POC1B: variants seen among roughly 807,000 people sequenced by gnomAD.
The protein encoded by POC1B is POC1 centriolar protein B, also known as POC1 centriolar protein homolog B.
Under a neutral mutation model 60.6 loss-of-function variants are expected in POC1B, and 44 were observed. That is an observed-to-expected ratio of 0.73 (90% CI 0.57 to 0.93). The LOEUF (loss-of-function observed/expected upper bound fraction) is 0.93. Among genes scored for constraint, POC1B ranks in the 40% least tolerant of loss-of-function variants. The pLI is 0.00. For missense variants in POC1B, 555 were observed against 572.3 expected, an observed-to-expected ratio of 0.97 and a Z score of 0.31; for synonymous variants, 180 against 198.9, an observed-to-expected ratio of 0.90 and a Z score of 0.80.
At chr12:89,523,922 C>A (rs1485024624) in intron 2 of POC1B, 3 of 1,608,946 alleles carry the variant, frequency 1.9e-6, no homozygotes, top group Admixed American at 1.7e-5. Context: ...ATCAGACGGG[C>A]CCTAACCAGC....
At chr12:89,524,092 C>T in intron 2 of POC1B, 3 of 1,613,888 alleles carry the variant, frequency 1.9e-6, no homozygotes, top group Non-Finnish European at 1.7e-6. Context: ...GTGAATGGTA[C>T]GGAGCAAAGT....
intron 2 of POC1B, chr12:89,501,318 G>A (rs1445576685): frequency 3.0e-6 from 3 of 1,001,158 alleles, no homozygotes; most frequent in East Asian, 2.4e-5. Context: ...TGTATTCCAA[G>A]AATGCAGAAA....
At position 89,420,495 on chromosome 12, in the gene POC1B, T is replaced by C. The variant is rs1880485442; in HGVS notation, c.*658A>G. ...GAAAGATAGGTGAGTTTCATTTCCT[T>C]CAGGTTGGCCAATGGATAAACAAAG... On this transcript the variant is annotated 3_prime_UTR_variant, in exon 12 of 12. Coordinates refer to ENST00000313546, the MANE Select transcript of POC1B (RefSeq NM_172240.3). 6.6e-6 allele frequency: 1 copy of C among 152,182 alleles called. No individual in the cohort carries two copies. Among genetic ancestry groups the C allele is most frequent in the Admixed American group, 6.5e-5 (1 of 15,274 alleles). The allele number at this position is 152,182 out of a possible 1,614,324, so 9.4% of individuals were successfully genotyped here.
At chr12:89,458,402 A>C (rs1882343259) in intron 10 of POC1B, among the ~76,000 whole-genome samples, 1 of 152,240 alleles carries the variant, frequency 6.6e-6, no homozygotes, top group Non-Finnish European at 1.5e-5. Context: ...TAGAGTTATA[A>C]ACATGAATAC....
chr12:89,489,155 T>C (rs1868808130), intron 4 of POC1B, among the ~76,000 whole-genome samples: 1 of 152,230 alleles, frequency 6.6e-6, no homozygotes, highest in African/African-American at 2.4e-5. Context: ...GTGATGGTGA[T>C]GAGAATGACA....
At chr12:89,403,173 A>C in the POC1B span, among the ~76,000 whole-genome samples, 1 of 151,052 alleles carries the variant, frequency 6.6e-6, no homozygotes, top group East Asian at 2.0e-4. Context: ...ACACCCAGCT[A>C]ATTTTTGTAT....
At position 89,506,352 on chromosome 12, in the gene POC1B, A is replaced by G. The variant is rs1869895302; in HGVS notation, c.101-9010T>C. On this transcript the variant is annotated intron_variant, in intron 2 of 11. Coordinates refer to ENST00000313546, the MANE Select transcript of POC1B (RefSeq NM_172240.3). ...ACTTGCAATTTATGCCTGCCACATG[A>G]AAAATACTCAAATGTAGCTATTATT... 1.3e-5 allele frequency among the ~76,000 whole-genome samples: 2 copies of G among 152,258 alleles called. 1 individual carries two copies. The highest frequency in any genetic ancestry group is 4.1e-4 in the South Asian group (2 of 4,834).
At chr12:89,504,633 C>T (rs558455264) in intron 2 of POC1B, among the ~76,000 whole-genome samples, 3 of 151,176 alleles carry the variant, frequency 2.0e-5, no homozygotes, top group East Asian at 1.9e-4. Context: ...AAGACATTAA[C>T]GTTAATAAGT....
At chr12:89,475,831 G>A (rs1286365533) in intron 4 of POC1B, among the ~76,000 whole-genome samples, 3 of 150,792 alleles carry the variant, frequency 2.0e-5, no homozygotes, top group Admixed American at 6.6e-5. Flanking sequence ...GAGAGTTTAA[G>A]AGGCATATGA....
At chr12:89,412,024 TC>T in the POC1B span, among the ~76,000 whole-genome samples, 3 of 152,244 alleles carry the variant, frequency 2.0e-5, no homozygotes, top group African/African-American at 7.2e-5. Context: ...TCCCCTGACT[TC>T]GTCTTTGTTC....
chr12:89,514,913 C>T (rs944273761), intron 2 of POC1B, among the ~76,000 whole-genome samples: 3 of 152,066 alleles, frequency 2.0e-5, no homozygotes, highest in Admixed American at 1.3e-4. Flanking sequence ...GACCTGGTAC[C>T]CACGCCTTCT....
chr12:89,451,920 T>C (rs1882058079), intron 10 of POC1B, among the ~76,000 whole-genome samples: 1 of 152,194 alleles, frequency 6.6e-6, no homozygotes, highest in African/African-American at 2.4e-5. Flanking sequence ...AAATGGCATT[T>C]AGCTCCGTAG....
At chr12:89,442,123 G>A (rs188616092) in intron 10 of POC1B, among the ~76,000 whole-genome samples, 51 of 152,282 alleles carry the variant, frequency 3.3e-4, no homozygotes, top group Admixed American at 7.8e-4. Flanking sequence ...CCAAATCTAC[G>A]TCTGACTGGT....
intron 10 of POC1B, chr12:89,425,859 C>T (rs1880742512): frequency 1.3e-5 from 2 of 153,664 alleles, no homozygotes; most frequent in Admixed American, 1.3e-4. Context: ...CAAAATTAAA[C>T]ATAAAATTAC....
chr12:89,501,345 A>G, intron 2 of POC1B: 1 of 992,446 alleles, frequency 1.0e-6, no homozygotes, highest in Non-Finnish European at 1.6e-6. Context: ...CTGGAAGCAA[A>G]AGGACTATAA....
intron 2 of POC1B, among the ~76,000 whole-genome samples, chr12:89,503,690 G>A (rs1239385553): frequency 1.4e-5 from 2 of 144,756 alleles, no homozygotes; most frequent in African/African-American, 5.2e-5. Flanking sequence ...GCCCTGCTGC[G>A]ACCCCGTCTG....
At chr12:89,489,743 C>T (rs1192835160) in intron 4 of POC1B, among the ~76,000 whole-genome samples, 1 of 152,198 alleles carries the variant, frequency 6.6e-6, no homozygotes, top group Non-Finnish European at 1.5e-5. Context: ...CACAGTTTTC[C>T]CCTGCTGACC....
intron 2 of POC1B, among the ~76,000 whole-genome samples, chr12:89,499,851 G>C (rs1385127211): frequency 6.6e-6 from 1 of 152,266 alleles, no homozygotes; most frequent in Non-Finnish European, 1.5e-5. Flanking sequence ...CCTTGGGGTA[G>C]GCAAACACTG....
intron 4 of POC1B, among the ~76,000 whole-genome samples, chr12:89,481,723 CT>C (rs1292531739): frequency 6.6e-6 from 1 of 152,174 alleles, no homozygotes; most frequent in Non-Finnish European, 1.5e-5. Flanking sequence ...GGCAACAAGG[CT>C]TGGCAGAGAA....
Sources: gnomAD v4.1 joint callset for allele counts (sites outside exome capture counted in the v4.1 genomes callset) on GRCh38, gnomAD v4.1.1 for gene constraint, MANE v1.5 for transcripts, NCBI Gene and HGNC (gene_info 2026-07-23, HGNC 2026-07-21) for gene names.